The following MTHFD1L variants were observed in gnomAD, a reference collection of about 807,000 sequenced individuals.
MTHFD1L encodes methylenetetrahydrofolate dehydrogenase (NADP+ dependent) 1 like.
In MTHFD1L, 81 loss-of-function variants were observed where a neutral mutation model predicts 119.5. The observed-to-expected ratio is 0.68, with a 90% CI of 0.57 to 0.82. The LOEUF is 0.82. MTHFD1L is among the 40% of genes least tolerant of loss of function. The probability of loss-of-function intolerance (pLI) is 0.00; values close to 1 mark genes in which losing one functional copy is unlikely to be tolerated. For synonymous variants in MTHFD1L, 430 were observed against 475.2 expected, an observed-to-expected ratio of 0.90 and a Z score of 1.24; for missense variants, 1,125 against 1,253.4, an observed-to-expected ratio of 0.90 and a Z score of 1.55.
chr6:150,896,934 T>G (rs1784326697), intron 7 of MTHFD1L, among the ~76,000 whole-genome samples: 1 of 148,992 alleles, frequency 6.7e-6, no homozygotes, highest in Non-Finnish European at 1.5e-5. Context: ...GGTGAAACCC[T>G]GTCTCTACTA....
At chr6:150,948,451 C>T (rs1021351922) in intron 15 of MTHFD1L, among the ~76,000 whole-genome samples, 1 of 151,818 alleles carries the variant, frequency 6.6e-6, no homozygotes, top group African/African-American at 2.4e-5. Context: ...TCCCAAGTAG[C>T]TGGGATTACA....
chr6:151,020,354 A>G (rs1783779461), intron 24 of MTHFD1L, among the ~76,000 whole-genome samples: 1 of 152,230 alleles, frequency 6.6e-6, no homozygotes, highest in Non-Finnish European at 1.5e-5. Flanking sequence ...CTGTGCGGCC[A>G]GACAGCAGTG....
Position 150,956,166 on chromosome 6 carries a change from A to G in MTHFD1L, c.1803+95A>G, listed in dbSNP as rs540911754. On this transcript the variant is annotated intron_variant, in intron 17 of 27. Coordinates refer to ENST00000367321, the MANE Select transcript of MTHFD1L (RefSeq NM_015440.5). ...CTTTGCCTTTCTTGTCTCATCCCCA[A>G]CCTGTTGTGGCCAGTGGTTCTCTCA... The G allele has an allele frequency of 5.8e-5, 73 of 1,259,280 alleles. 1 individual carries two copies. Among genetic ancestry groups the G allele is most frequent in the South Asian group, 1.4e-4 (11 of 81,144 alleles). The allele number at this position is 1,259,280 out of a possible 1,614,324, so 78.0% of individuals were successfully genotyped here. A position where few individuals can be genotyped will look rare whatever the true frequency, so the allele number is the denominator to read the frequency against.
intron 24 of MTHFD1L, among the ~76,000 whole-genome samples, chr6:151,016,236 C>T (rs888808957): frequency 6.6e-6 from 1 of 152,114 alleles, no homozygotes. Flanking sequence ...CTTTAGCGAA[C>T]AGGATTTGAC....
intron 14 of MTHFD1L, among the ~76,000 whole-genome samples, 161 bp downstream of exon 14, chr6:150,944,754 G>A (rs1398454929): frequency 1.3e-5 from 2 of 152,226 alleles, no homozygotes; most frequent in Admixed American, 1.3e-4. Context: ...AGGAGAAGGA[G>A]CCATCCTTTG....
chr6:150,975,018 G>A (rs1409783383), intron 20 of MTHFD1L, among the ~76,000 whole-genome samples: 2 of 152,088 alleles, frequency 1.3e-5, no homozygotes, highest in East Asian at 3.8e-4. Context: ...GATTACAGGT[G>A]TGAGCCACCA....
At chr6:150,968,483 C>A (rs1425249406) in intron 19 of MTHFD1L, among the ~76,000 whole-genome samples, 1 of 152,050 alleles carries the variant, frequency 6.6e-6, no homozygotes, top group African/African-American at 2.4e-5. Context: ...TAATCATTTT[C>A]TTTATTGTTG....
Position 151,039,335 on chromosome 6 carries a change from C to T in MTHFD1L, c.2847+2218C>T, listed in dbSNP as rs1369885494. On this transcript the variant is annotated intron_variant, in intron 26 of 27. Transcript: ENST00000367321. The surrounding 1 kb of genome is among the most constrained non-coding windows in gnomAD (Gnocchi z 4.4). ...TTGCCAGGAGTTGGGGGAGGGGAAGCGTTTGACTGCAGAGGGGCAGGAGGG... is the reference window on the plus strand; with the variant it reads ...TTGCCAGGAGTTGGGGGAGGGGAAGTGTTTGACTGCAGAGGGGCAGGAGGG... 2.6e-5 allele frequency among the ~76,000 whole-genome samples: 4 copies of T among 152,078 alleles called. No individual in the cohort carries two copies. Among genetic ancestry groups the T allele is most frequent in the Non-Finnish European group, 2.9e-5 (2 of 68,004 alleles).
chr6:150,883,330 C>T (rs992916730), intron 5 of MTHFD1L, among the ~76,000 whole-genome samples: 8 of 152,166 alleles, frequency 5.3e-5, no homozygotes, highest in African/African-American at 1.9e-4. Context: ...CGTGTCTGGC[C>T]ATCTGTAGCC....
intron 10 of MTHFD1L, among the ~76,000 whole-genome samples, chr6:150,923,460 T>G (rs1013907208): frequency 6.6e-6 from 1 of 151,750 alleles, no homozygotes; most frequent in South Asian, 2.1e-4. Flanking sequence ...TCCAGCAACG[T>G]TGGAATGCAC....
chr6:150,956,194 GT>G, intron 17 of MTHFD1L, 123 bp downstream of exon 17: 2 of 925,894 alleles, frequency 2.2e-6, no homozygotes, highest in Non-Finnish European at 3.4e-6. Flanking sequence ...TTCTCTCACT[GT>G]TTTGGGTGCT....
intron 24 of MTHFD1L, 121 bp from the exon 25 acceptor site, chr6:151,034,372 T>G: frequency 5.9e-6 from 4 of 683,394 alleles, no homozygotes; most frequent in Non-Finnish European, 1.0e-5. Flanking sequence ...ATCCTGCAGT[T>G]GCTGAGGGGG....
At chr6:151,022,647 C>T (rs1455832641) in intron 24 of MTHFD1L, among the ~76,000 whole-genome samples, 1 of 152,182 alleles carries the variant, frequency 6.6e-6, no homozygotes, top group African/African-American at 2.4e-5. Flanking sequence ...AAGCTGTCTT[C>T]CCCCTCAGGG....
chr6:150,908,322 A>G (rs1241925391), intron 8 of MTHFD1L, among the ~76,000 whole-genome samples: 3 of 151,604 alleles, frequency 2.0e-5, no homozygotes, highest in South Asian at 4.2e-4. Flanking sequence ...TTTGTCTCCC[A>G]CTTAAAGATG....
chr6:150,880,295 C>T (rs1781195690), intron 4 of MTHFD1L, among the ~76,000 whole-genome samples: 1 of 152,158 alleles, frequency 6.6e-6, no homozygotes, highest in Non-Finnish European at 1.5e-5. Context: ...AACCACCATT[C>T]TATTCTCTAT....
At chr6:150,880,227 C>T (rs562421136) in intron 4 of MTHFD1L, among the ~76,000 whole-genome samples, 26 of 152,170 alleles carry the variant, frequency 1.7e-4, no homozygotes, top group African/African-American at 6.0e-4. Context: ...AACTTTATAC[C>T]TACTGATGGA....
chr6:151,052,160 A>T (rs896456041), intron 26 of MTHFD1L, among the ~76,000 whole-genome samples: 9 of 152,222 alleles, frequency 5.9e-5, no homozygotes, highest in Non-Finnish European at 1.3e-4. Context: ...CTGACCCGCG[A>T]GTGCCCTGCA....
At chr6:151,049,576 C>T (rs1378754083) in intron 26 of MTHFD1L, among the ~76,000 whole-genome samples, 3 of 148,342 alleles carry the variant, frequency 2.0e-5, no homozygotes, top group East Asian at 2.0e-4. Flanking sequence ...GCAGGAGAAT[C>T]GCTTGAACCC....
At chr6:150,885,837 A>G (rs1782153950) in intron 6 of MTHFD1L, 103 bp downstream of exon 6, 2 of 790,836 alleles carry the variant, frequency 2.5e-6, no homozygotes, top group Non-Finnish European at 4.0e-6. Context: ...TTTTTAAATT[A>G]TTATTCTGAT....
Sources: allele counts gnomAD v4.1 joint callset (sites outside exome capture counted in the v4.1 genomes callset), GRCh38; gene constraint gnomAD v4.1.1; non-coding constraint Gnocchi (gnomAD v3.1); transcripts MANE v1.5; gene names NCBI Gene and HGNC (gene_info 2026-07-23, HGNC 2026-07-21).